SLC44A3: variants seen among roughly 807,000 people sequenced by gnomAD.
The protein encoded by SLC44A3 is choline transporter-like protein 3.
In SLC44A3, 74 loss-of-function variants were observed where a neutral mutation model predicts 75.4. The ratio of observed to expected loss-of-function variants is 0.98; its 90% CI spans 0.81 to 1.19. The LOEUF is 1.19. Among genes scored for constraint, SLC44A3 ranks in the 50% most tolerant of loss-of-function variants. The probability of loss-of-function intolerance (pLI) is 0.00; values close to 1 mark genes in which losing one functional copy is unlikely to be tolerated. For missense variants in SLC44A3, 700 were observed against 778.6 expected (o/e 0.90, Z 1.20); for synonymous variants, 310 against 296.9 (o/e 1.04, Z -0.45).
intron 9 of SLC44A3, among the ~76,000 whole-genome samples, chr1:94,847,849 A>G (rs1664619082): frequency 1.3e-5 from 2 of 152,038 alleles, no homozygotes; most frequent in South Asian, 4.1e-4. Context: ...ACGTGCTGTG[A>G]CTCTAGAGCT....
chr1:94,880,726 G>A (rs563250963), intron 12 of SLC44A3, among the ~76,000 whole-genome samples: 10 of 152,278 alleles, frequency 6.6e-5, no homozygotes, highest in Admixed American at 1.3e-4. Flanking sequence ...TAAAAAGGGC[G>A]CTGGGGGCTA....
At chr1:94,843,641 G>A (rs1302163860) in intron 8 of SLC44A3, 1 of 152,264 alleles carries the variant, frequency 6.6e-6, no homozygotes, top group Non-Finnish European at 1.5e-5. Flanking sequence ...CATGCATGAG[G>A]TCACATGGGC....
At position 94,839,948 on chromosome 1, in the gene SLC44A3, C is replaced by A. The variant is rs147324255; in HGVS notation, c.671C>A (p.Ala224Asp). 864 of 1,613,432 alleles carry A rather than the reference C, an allele frequency of 5.4e-4. 8 individuals are homozygous for A. In the East Asian group the frequency reaches 0.017, roughly 31 times the overall value. ...TILGLCILAL[A>D]LSLAMMFTFR... ...TTATGTGTTTTGCTTAATTTTTCAG[C>A]CTTGTCTTTGGCCATGATGTTTACC... Residue 224 changes from alanine (A) to aspartate (D), a missense_variant and splice_region_variant, in exon 7 of 15, where the codon GCC (alanine) becomes GAC (aspartate). Physicochemically the swap from Ala to Asp is moderately radical, Grantham distance 126. Coordinates refer to ENST00000271227, the MANE Select transcript of SLC44A3 (RefSeq NM_001114106.3).
Position 94,891,219 on chromosome 1 carries a change from C to T in SLC44A3, c.1572C>T (p.His524=), listed in dbSNP as rs1670173203. The T allele has an allele frequency of 6.2e-7, 1 of 1,613,524 alleles. No homozygotes were observed. Among genetic ancestry groups the T allele is most frequent in the East Asian group, 2.2e-5 (1 of 44,768 alleles). Reference sequence around the variant, plus strand: ...AAATCTTGTCCAAGAACTCAAGTCACTTTACATCTATTAACTGCTTTGGAG... The same window carrying T: ...AAATCTTGTCCAAGAACTCAAGTCATTTTACATCTATTAACTGCTTTGGAG... ...AFKILSKNSS[H]FTSINCFGDF... is the part of the protein sequence containing the mutation. Residue 524 remains histidine (H), a synonymous_variant, in exon 13 of 15, where the codon CAC becomes CAT. Transcript: ENST00000271227.
chr1:94,849,348 C>T (rs1664888313), intron 9 of SLC44A3, among the ~76,000 whole-genome samples: 1 of 152,002 alleles, frequency 6.6e-6, no homozygotes, highest in South Asian at 2.1e-4. Context: ...AGAGCCACCA[C>T]CCCCCTTCCC....
rs199963454 is a variant in SLC44A3 at position 94,894,911 on chromosome 1, A to T, written c.1951A>T (p.Ile651Phe). 13 of 1,609,958 alleles carry T rather than the reference A, an allele frequency of 8.1e-6. No individual in the cohort carries two copies. The South Asian group carries it at 1.2e-4, about 15-fold the overall frequency. The change falls in exon 15 of 15, where the codon ATT becomes TTT. Residue 651 changes from isoleucine (I) to phenylalanine (F), a missense_variant. Physicochemically the swap from Ile to Phe is conservative, Grantham distance 21. Coordinates refer to ENST00000271227, the MANE Select transcript of SLC44A3 (RefSeq NM_001114106.3). ...TGAGGAGGGAACAGAACTCCAGGCC[A>T]TTGTGAGATAGATACCCATTTAGGT... ...RNEEGTELQA[I>F]VR is the part of the protein sequence containing the mutation.
chr1:94,865,505 C>G (rs1389502978), intron 11 of SLC44A3, among the ~76,000 whole-genome samples: 1 of 152,124 alleles, frequency 6.6e-6, no homozygotes, highest in Non-Finnish European at 1.5e-5. Flanking sequence ...GCTCAAAGGA[C>G]AGAGAACTGT....
intron 10 of SLC44A3, among the ~76,000 whole-genome samples, chr1:94,858,153 C>T (rs1666136793): frequency 1.3e-5 from 2 of 152,018 alleles, no homozygotes; most frequent in African/African-American, 4.8e-5. Flanking sequence ...TGGAACTCCC[C>T]TATGAATATC....
At chr1:94,860,332 C>A (rs1418843199) in intron 10 of SLC44A3, among the ~76,000 whole-genome samples, 3 of 152,006 alleles carry the variant, frequency 2.0e-5, no homozygotes, top group African/African-American at 4.8e-5. Context: ...AGCACTCTTT[C>A]AGAAGGTAGA....
chr1:94,871,727 A>C (rs900220699), intron 12 of SLC44A3, among the ~76,000 whole-genome samples: 14 of 152,136 alleles, frequency 9.2e-5, no homozygotes, highest in African/African-American at 3.4e-4. Flanking sequence ...TCCTTTTTTC[A>C]ATTTTTATAG....
chr1:94,847,658 A>G (rs1052816139), intron 9 of SLC44A3, among the ~76,000 whole-genome samples: 10 of 152,182 alleles, frequency 6.6e-5, no homozygotes, highest in Admixed American at 1.3e-4. Flanking sequence ...GCATGAAGGG[A>G]AACAAGCCTT....
intron 5 of SLC44A3, 31 bp from the exon 6 acceptor site, chr1:94,837,680 A>C: frequency 1.9e-6 from 3 of 1,538,528 alleles, no homozygotes; most frequent in Non-Finnish European, 2.6e-6. Context: ...TTAAATAAAC[A>C]TTTTTGCCAT....
At chr1:94,842,324 C>T (rs571737626) in intron 8 of SLC44A3, among the ~76,000 whole-genome samples, 200 bp downstream of exon 8, 20 of 152,368 alleles carry the variant, frequency 1.3e-4, no homozygotes, top group Admixed American at 4.6e-4. Flanking sequence ...CTTCCCAAGT[C>T]ATTTCTGCCA....
chr1:94,891,227 C>T lies in SLC44A3; in HGVS notation c.1580C>T (p.Ser527Phe), dbSNP rs1424698891. The change falls in exon 13 of 15, where the codon TCT (serine) becomes TTT (phenylalanine). Residue 527 changes from serine to phenylalanine, a missense_variant. Coordinates refer to ENST00000271227, the MANE Select transcript of SLC44A3 (RefSeq NM_001114106.3). ...ILSKNSSHFT[S>F]INCFGDFIIF... ...TCCAAGAACTCAAGTCACTTTACATCTATTAACTGCTTTGGAGACTTCATA... is the reference window on the plus strand; with the variant it reads ...TCCAAGAACTCAAGTCACTTTACATTTATTAACTGCTTTGGAGACTTCATA... 2.5e-6 allele frequency: 4 copies of T among 1,613,340 alleles called. No homozygotes were observed. Among genetic ancestry groups the T allele is most frequent in the Non-Finnish European group, 3.4e-6 (4 of 1,179,634 alleles).
Position 94,857,455 on chromosome 1 carries a change from A to C in SLC44A3, c.1193A>C (p.Gln398Pro). 6.2e-7 allele frequency: 1 copy of C among 1,613,956 alleles called. No individual in the cohort carries two copies. Among genetic ancestry groups the C allele is most frequent in the Non-Finnish European group, 8.5e-7 (1 of 1,179,954 alleles). Residue 398 changes from glutamine to proline, a missense_variant, in exon 10 of 15, where the codon CAG (glutamine) becomes CCG (proline). Physicochemically the swap from Gln to Pro is moderately conservative, Grantham distance 76. Coordinates refer to ENST00000271227, the MANE Select transcript of SLC44A3 (RefSeq NM_001114106.3). ...IWTSEFILAC[Q>P]QMTIAGAVVT... ...ACTAGTGAATTCATCCTTGCGTGCC[A>C]GCAAATGACTATAGCTGGGGCAGTG...
chr1:94,886,964 A>G (rs767261593), intron 12 of SLC44A3, among the ~76,000 whole-genome samples: 6 of 152,078 alleles, frequency 3.9e-5, no homozygotes, highest in Non-Finnish European at 7.4e-5. Context: ...ATGCTAAAGA[A>G]GTATGCACAC....
rs1047687359 is a variant in SLC44A3, at chr1:94,892,318, T to C, written c.1658T>C (p.Met553Thr). ...VVCFTVFGGL[M>T]AFNYNRAFQV... Reference sequence around the variant, plus strand: ...TGTTTCACTGTTTTTGGAGGACTCATGGCTTTTAACTACAATCGGGCATTC... The same window carrying C: ...TGTTTCACTGTTTTTGGAGGACTCACGGCTTTTAACTACAATCGGGCATTC... Residue 553 changes from methionine (M) to threonine (T), a missense_variant, in exon 14 of 15, where the codon ATG becomes ACG. Coordinates refer to ENST00000271227, the MANE Select transcript of SLC44A3 (RefSeq NM_001114106.3). The C allele has an allele frequency of 6.2e-7, 1 of 1,614,246 alleles. No homozygotes were observed. Among genetic ancestry groups the C allele is most frequent in the Non-Finnish European group, 8.5e-7 (1 of 1,180,048 alleles).
intron 12 of SLC44A3, among the ~76,000 whole-genome samples, chr1:94,876,773 G>A (rs747651887): frequency 1.3e-5 from 2 of 152,174 alleles, no homozygotes; most frequent in African/African-American, 2.4e-5. Flanking sequence ...CTCTCAACCT[G>A]ATTTCTAACT....
chr1:94,849,354 T>C (rs55666372), intron 9 of SLC44A3, among the ~76,000 whole-genome samples: 26,383 of 151,992 alleles, frequency 0.17, 3,552 homozygotes, highest in African/African-American at 0.37. Context: ...ACCACCCCCC[T>C]TCCCCACCCC....
Sources: allele counts gnomAD v4.1 joint callset (sites outside exome capture counted in the v4.1 genomes callset), GRCh38; gene constraint gnomAD v4.1.1; transcripts MANE v1.5; gene names NCBI Gene and HGNC (gene_info 2026-07-23, HGNC 2026-07-21).